The following CSMD1 variants were observed in gnomAD, a reference collection of about 807,000 sequenced individuals.
The protein encoded by CSMD1 is CUB and sushi domain-containing protein 1.
Under a neutral mutation model 417.5 loss-of-function variants are expected in CSMD1, and 213 were observed. The ratio of observed to expected loss-of-function variants is 0.51; its 90% CI spans 0.46 to 0.57. The LOEUF (loss-of-function observed/expected upper bound fraction) is 0.57. CSMD1 is among the 20% of genes least tolerant of loss of function. The pLI is 0.00. For missense variants in CSMD1, 6,923 were observed against 4,529.7 expected (o/e 1.53, Z -15.17); for synonymous variants, 2,862 against 1,736.8 (o/e 1.65, Z -16.11).
chr8:4,985,879 G>C (rs1490416564), intron 1 of CSMD1, among the ~76,000 whole-genome samples: 1 of 152,092 alleles, frequency 6.6e-6, no homozygotes, highest in African/African-American at 2.4e-5. Flanking sequence ...ATGAAGAAAG[G>C]GGAAAAGAGA....
chr8:4,185,606 T>C (rs117130943), intron 3 of CSMD1, among the ~76,000 whole-genome samples: 4,826 of 152,310 alleles, frequency 0.032, 119 homozygotes, highest in Middle Eastern at 0.051. Flanking sequence ...TGTGCTGATT[T>C]ATGAAATTGC....
chr8:3,077,575 T>A (rs780718130), intron 49 of CSMD1, among the ~76,000 whole-genome samples: 3 of 152,212 alleles, frequency 2.0e-5, no homozygotes, highest in Non-Finnish European at 4.4e-5. Flanking sequence ...TTCCTTTGAA[T>A]TGTTTGCTTA....
intron 41 of CSMD1, among the ~76,000 whole-genome samples, chr8:3,123,383 A>C (rs144877064): frequency 1.3e-5 from 2 of 152,168 alleles, no homozygotes; most frequent in Non-Finnish European, 2.9e-5. Flanking sequence ...CCTCCTCCCA[A>C]TACTGCTATT....
intron 1 of CSMD1, among the ~76,000 whole-genome samples, chr8:4,928,374 C>G (rs1241752312): frequency 6.6e-6 from 1 of 152,164 alleles, no homozygotes; most frequent in Non-Finnish European, 1.5e-5. Context: ...TATTTACTAT[C>G]TTCTCTGACT....
chr8:4,054,917 T>C (rs534013041), intron 3 of CSMD1, among the ~76,000 whole-genome samples: 40 of 152,224 alleles, frequency 2.6e-4, no homozygotes, highest in African/African-American at 9.4e-4. Flanking sequence ...AGCTCTGGGG[T>C]TTCTCTTTTA....
At chr8:3,921,478 A>C (rs1172994850) in intron 5 of CSMD1, among the ~76,000 whole-genome samples, 1 of 151,922 alleles carries the variant, frequency 6.6e-6, no homozygotes, top group Middle Eastern at 3.4e-3. Flanking sequence ...TGAGGTGTAA[A>C]GTTAGGTTGC....
intron 54 of CSMD1, among the ~76,000 whole-genome samples, chr8:2,981,890 C>G (rs1327638922): frequency 1.3e-5 from 2 of 152,176 alleles, no homozygotes; most frequent in African/African-American, 4.8e-5. Context: ...CATCAGCATT[C>G]CTTGGTGACA....
At chr8:4,044,034 AAC>A (rs1491126149) in intron 3 of CSMD1, among the ~76,000 whole-genome samples, 10 of 139,374 alleles carry the variant, frequency 7.2e-5, no homozygotes, top group Middle Eastern at 3.7e-3. Context: ...ATTAAAAAAA[AAC>A]GCTGAATAAT....
intron 1 of CSMD1, among the ~76,000 whole-genome samples, chr8:4,816,413 T>A (rs1368609147): frequency 6.6e-6 from 1 of 151,616 alleles, no homozygotes; most frequent in Non-Finnish European, 1.5e-5. Flanking sequence ...GGTGGTGGAG[T>A]GAGGGCGGTT....
chr8:4,750,098 C>A (rs1485884087), intron 1 of CSMD1, among the ~76,000 whole-genome samples: 4 of 152,148 alleles, frequency 2.6e-5, no homozygotes, highest in African/African-American at 9.7e-5. Flanking sequence ...CTCCGCCTCC[C>A]GGGTTCACCC....
intron 2 of CSMD1, among the ~76,000 whole-genome samples, chr8:4,436,275 CTTGTA>C (rs1054545364): frequency 6.6e-6 from 1 of 152,064 alleles, no homozygotes; most frequent in Non-Finnish European, 1.5e-5. Context: ...TAATACCCAC[CTTGTA>C]TTGTGGTGTT....
chr8:3,211,217 A>T (rs756832954), intron 30 of CSMD1, among the ~76,000 whole-genome samples: 1 of 151,694 alleles, frequency 6.6e-6, no homozygotes, highest in Non-Finnish European at 1.5e-5. Context: ...GCTAATTTTA[A>T]TTTTTTTTGT....
Position 4,159,674 on chromosome 8 carries a change from C to T in CSMD1, c.416-127575G>A, listed in dbSNP as rs533074700. ...CGCGATCTCGGCTCACTGCAAGCTCCCCCTCCCGGGTTCACGCCATTCTCC... is the reference window on the plus strand; with the variant it reads ...CGCGATCTCGGCTCACTGCAAGCTCTCCCTCCCGGGTTCACGCCATTCTCC... On this transcript the variant is annotated intron_variant, in intron 3 of 69. Transcript: ENST00000635120. 4.4e-4 allele frequency among the ~76,000 whole-genome samples: 67 copies of T among 152,146 alleles called. No individual in the cohort carries two copies. The South Asian group carries it at 0.011, about 25-fold the overall frequency.
At chr8:3,388,893 G>T (rs897768127) in intron 17 of CSMD1, among the ~76,000 whole-genome samples, 25 of 93,044 alleles carry the variant, frequency 2.7e-4, no homozygotes, top group African/African-American at 1.1e-3. Flanking sequence ...CCACACACAT[G>T]CATACACACA....
chr8:4,278,679 C>CACTTTGT (rs1271524353), intron 3 of CSMD1, among the ~76,000 whole-genome samples: 1 of 152,162 alleles, frequency 6.6e-6, no homozygotes, highest in African/African-American at 2.4e-5. Flanking sequence ...ACCGAACAGT[C>CACTTTGT]TATAGCCACT....
intron 5 of CSMD1, among the ~76,000 whole-genome samples, chr8:3,943,410 G>GT (rs796811228): frequency 0.02 from 1,892 of 96,924 alleles, 49 homozygotes; most frequent in African/African-American, 0.066. Context: ...CTTATAAGTT[G>GT]TTTTTTTTTC....
Position 4,551,952 on chromosome 8 carries a change from G to A in CSMD1, c.302+85390C>T, listed in dbSNP as rs1393470202. On this transcript the variant is annotated intron_variant, in intron 2 of 69. Coordinates refer to ENST00000635120, the MANE Select transcript of CSMD1 (RefSeq NM_033225.6). ...TCTGCCCACCTTGACCTCCCAAAAT[G>A]CTGGGACTACAGGCATGAGCCACTG... Among the ~76,000 whole-genome samples the A allele has an allele frequency of 2.0e-5, 3 of 150,854 alleles. No homozygotes were observed. The East Asian group carries it at 5.9e-4, about 30-fold the overall frequency.
chr8:4,453,238 C>G (rs1042594926), intron 2 of CSMD1, among the ~76,000 whole-genome samples: 8 of 147,010 alleles, frequency 5.4e-5, no homozygotes, highest in Non-Finnish European at 1.1e-4. Flanking sequence ...CACACACACA[C>G]ACACACTGAA....
chr8:4,076,338 T>A (rs1406879288), intron 3 of CSMD1, among the ~76,000 whole-genome samples: 2 of 152,204 alleles, frequency 1.3e-5, no homozygotes. Context: ...CAGAACTGTG[T>A]GTCAATCAAA....
Sources: allele counts gnomAD v4.1 joint callset (sites outside exome capture counted in the v4.1 genomes callset), GRCh38; gene constraint gnomAD v4.1.1; transcripts MANE v1.5; gene names NCBI Gene and HGNC (gene_info 2026-07-23, HGNC 2026-07-21).